SLC25A36: variants seen among roughly 807,000 people sequenced by gnomAD.
SLC25A36 encodes the protein epididymis secretory sperm binding protein.
In SLC25A36, 24 loss-of-function variants were observed where a neutral mutation model predicts 35.3. That is an observed-to-expected ratio of 0.68 (90% CI 0.49 to 0.96). The LOEUF is 0.96. Among genes scored for constraint, SLC25A36 ranks in the 40% least tolerant of loss-of-function variants. The pLI is 0.00. For synonymous variants in SLC25A36, 141 were observed against 132.2 expected (o/e 1.07, Z -0.46); for missense variants, 294 against 381.1 (o/e 0.77, Z 1.90).
intron 4 of SLC25A36, chr3:140,968,367 T>C (rs1934815694): frequency 1.2e-6 from 1 of 846,932 alleles, no homozygotes; most frequent in Non-Finnish European, 1.4e-6. Flanking sequence ...AAGAGCTAGC[T>C]CTCATTGGGA....
At chr3:140,975,578 G>A (rs957780488) in intron 6 of SLC25A36, among the ~76,000 whole-genome samples, 1 of 152,166 alleles carries the variant, frequency 6.6e-6, no homozygotes, top group African/African-American at 2.4e-5. Context: ...AGTTACATAG[G>A]AAGCTGTGAG....
intron 1 of SLC25A36, among the ~76,000 whole-genome samples, chr3:140,949,609 A>C (rs1212610713): frequency 6.6e-6 from 1 of 152,180 alleles, no homozygotes; most frequent in Non-Finnish European, 1.5e-5. Flanking sequence ...AAGAACATGT[A>C]GTTATTTCTA....
chr3:140,976,136 A>G (rs1243670412), intron 6 of SLC25A36, 124 bp from the exon 7 acceptor site: 2 of 660,468 alleles, frequency 3.0e-6, no homozygotes, highest in Admixed American at 6.6e-5. Context: ...TAAGCTACAC[A>G]TTAGAAGCCA....
intron 1 of SLC25A36, among the ~76,000 whole-genome samples, chr3:140,944,522 G>A (rs999306885): frequency 7.9e-5 from 12 of 152,280 alleles, no homozygotes; most frequent in South Asian, 2.1e-4. Flanking sequence ...TCTAATGTAT[G>A]TATATAGAGA....
intron 3 of SLC25A36, among the ~76,000 whole-genome samples, chr3:140,962,516 T>C (rs1934655665): frequency 6.6e-6 from 1 of 152,184 alleles, no homozygotes; most frequent in Non-Finnish European, 1.5e-5. Context: ...TTGTTGGAAT[T>C]GTTTTGTCTG....
intron 1 of SLC25A36, among the ~76,000 whole-genome samples, chr3:140,955,304 G>A (rs1188793478): frequency 6.6e-6 from 1 of 151,776 alleles, no homozygotes; most frequent in African/African-American, 2.4e-5. Context: ...ATTATTGCAT[G>A]GGTTGCTTTT....
chr3:140,962,165 A>G (rs1427698768), intron 3 of SLC25A36, among the ~76,000 whole-genome samples: 3 of 152,024 alleles, frequency 2.0e-5, no homozygotes, highest in African/African-American at 7.2e-5. Flanking sequence ...CTTGGCATCA[A>G]GTGTATCTTA....
At chr3:140,942,336 C>A (rs1233797295) in intron 1 of SLC25A36, 2 of 400,802 alleles carry the variant, frequency 5.0e-6, no homozygotes, top group East Asian at 4.0e-5. Flanking sequence ...GAGTGAGGCC[C>A]GGGCAAAGAG....
intron 6 of SLC25A36, 99 bp from the exon 7 acceptor site, chr3:140,976,161 G>A: frequency 1.3e-6 from 1 of 786,876 alleles, no homozygotes; most frequent in Non-Finnish European, 2.0e-6. Flanking sequence ...TTTTTATCCT[G>A]AGCTTACACT....
chr3:140,969,093 G>A (rs913440384), intron 4 of SLC25A36, among the ~76,000 whole-genome samples: 2 of 151,730 alleles, frequency 1.3e-5, no homozygotes, highest in African/African-American at 4.8e-5. Context: ...TCATTAAATT[G>A]GAGTTTGACC....
At chr3:140,963,358 C>T (rs1016638529) in intron 4 of SLC25A36, 131 bp downstream of exon 4, 3 of 609,612 alleles carry the variant, frequency 4.9e-6, no homozygotes, top group Non-Finnish European at 8.2e-6. Flanking sequence ...TTACGTTTAT[C>T]GATATAAACC....
intron 4 of SLC25A36, chr3:140,967,832 CT>C: frequency 4.1e-6 from 1 of 244,370 alleles, no homozygotes; most frequent in Non-Finnish European, 6.5e-6. Flanking sequence ...CTTTAACTGA[CT>C]GTGGAGCAAT....
intron 1 of SLC25A36, among the ~76,000 whole-genome samples, chr3:140,949,470 T>C (rs1031625763): frequency 3.3e-5 from 5 of 152,230 alleles, no homozygotes; most frequent in African/African-American, 1.2e-4. Flanking sequence ...TTCTATAAGA[T>C]CAATACATAG....
intron 1 of SLC25A36, among the ~76,000 whole-genome samples, chr3:140,954,240 C>T (rs1934417397): frequency 6.6e-6 from 1 of 152,192 alleles, no homozygotes; most frequent in African/African-American, 2.4e-5. Context: ...TGGCTTTTTA[C>T]TGCAGAATAG....
At chr3:140,948,485 G>A (rs1337957863) in intron 1 of SLC25A36, among the ~76,000 whole-genome samples, 1 of 152,052 alleles carries the variant, frequency 6.6e-6, no homozygotes, top group Non-Finnish European at 1.5e-5. Flanking sequence ...CCCGGCCAGT[G>A]ATTGATATTT....
Position 140,979,467 on chromosome 3 carries a change from G to C in SLC25A36, c.*3014G>C, listed in dbSNP as rs939232328. ...TAGTAATCTAGGGACCCCCTTTGGA[G>C]CTGATAAGTACAGTTCAGCCTTTTC... On this transcript the variant is annotated 3_prime_UTR_variant, in exon 7 of 7. Transcript: ENST00000324194. 2 of 152,124 alleles carry C rather than the reference G, an allele frequency of 1.3e-5. No homozygotes were observed. The highest frequency in any genetic ancestry group is 2.9e-5 in the Non-Finnish European group (2 of 67,996). 9.4% of individuals were successfully genotyped at this position (152,124 alleles called of 1,614,324 possible). A position where few individuals can be genotyped will look rare whatever the true frequency, so the allele number is the denominator to read the frequency against.
intron 2 of SLC25A36, among the ~76,000 whole-genome samples, chr3:140,958,742 A>G (rs1934543988): frequency 6.6e-6 from 1 of 152,180 alleles, no homozygotes; most frequent in Non-Finnish European, 1.5e-5. Context: ...TACATTTCTA[A>G]TTGGCGGGTA....
chr3:140,971,545 G>C (rs1428498336), intron 5 of SLC25A36, among the ~76,000 whole-genome samples: 1 of 152,152 alleles, frequency 6.6e-6, no homozygotes, highest in African/African-American at 2.4e-5. Flanking sequence ...CCAGGAAACA[G>C]TGGGGACTTA....
In SLC25A36 at chr3:140,952,273, C is replaced by T. The variant is rs185446366; in HGVS notation, c.42-4254C>T. Among the ~76,000 whole-genome samples the T allele has an allele frequency of 1.6e-4, 24 of 152,218 alleles. No individual in the cohort carries two copies. The East Asian group carries it at 4.6e-3, about 29-fold the overall frequency. On this transcript the variant is annotated intron_variant, in intron 1 of 6. Transcript: ENST00000324194. ...TCTCAGGTGATCCACCTGCCTTAGCCTCCCAAAGTGCTAGGATTACAGAAG... is the reference window on the plus strand; with the variant it reads ...TCTCAGGTGATCCACCTGCCTTAGCTTCCCAAAGTGCTAGGATTACAGAAG...
Sources: gnomAD v4.1 joint callset for allele counts (sites outside exome capture counted in the v4.1 genomes callset) on GRCh38, gnomAD v4.1.1 for gene constraint, MANE v1.5 for transcripts, NCBI Gene and HGNC (gene_info 2026-07-23, HGNC 2026-07-21) for gene names.